The following KDM2B variants were observed in gnomAD, a reference collection of about 807,000 sequenced individuals.
KDM2B encodes the protein lysine-specific demethylase 2B.
A neutral mutation model predicts 150.0 loss-of-function variants in KDM2B; 26 were observed. The ratio of observed to expected loss-of-function variants is 0.17; its 90% CI spans 0.13 to 0.24. The LOEUF is 0.24. Ranked by LOEUF, KDM2B falls within the 10% of genes least tolerant of loss-of-function variation. KDM2B has a pLI of 1.00. For synonymous variants in KDM2B, 734 were observed against 729.5 expected, an observed-to-expected ratio of 1.01 and a Z score of -0.10; for missense variants, 1,265 against 1,816.9, an observed-to-expected ratio of 0.70 and a Z score of 5.52.
intron 6 of KDM2B, among the ~76,000 whole-genome samples, chr12:121,538,880 G>A (rs1201296872): frequency 6.6e-6 from 1 of 152,050 alleles, no homozygotes; most frequent in Non-Finnish European, 1.5e-5. Flanking sequence ...GGAGTCCAGA[G>A]GTTACAGCCA....
At chr12:121,434,090 G>A (rs1166476556) in intron 22 of KDM2B, among the ~76,000 whole-genome samples, 4 of 152,128 alleles carry the variant, frequency 2.6e-5, no homozygotes, top group Non-Finnish European at 5.9e-5. Flanking sequence ...TGAGGTGGGA[G>A]GATCATTTTT....
chr12:121,457,749 C>T (rs1435384295), intron 12 of KDM2B, among the ~76,000 whole-genome samples: 10 of 145,856 alleles, frequency 6.9e-5, no homozygotes, highest in African/African-American at 2.7e-4. Context: ...TACACACACA[C>T]ACACACACAC....
chr12:121,523,334 A>C (rs1453177277), intron 8 of KDM2B, among the ~76,000 whole-genome samples: 1 of 152,228 alleles, frequency 6.6e-6, no homozygotes, highest in Non-Finnish European at 1.5e-5. Flanking sequence ...AGCAACTCAC[A>C]GTGAAGGACA....
intron 8 of KDM2B, among the ~76,000 whole-genome samples, chr12:121,527,457 C>A (rs1489017270): frequency 2.7e-5 from 4 of 148,740 alleles, no homozygotes; most frequent in Admixed American, 2.7e-4. Flanking sequence ...TTGAGACCAT[C>A]CTGGCTAACA....
chr12:121,512,665 T>G (rs1291143609), intron 10 of KDM2B, among the ~76,000 whole-genome samples: 5 of 152,118 alleles, frequency 3.3e-5, no homozygotes, highest in African/African-American at 9.7e-5. Flanking sequence ...CACAGCCAGA[T>G]CCAACTTCAG....
At chr12:121,422,728 C>A in the KDM2B span, among the ~76,000 whole-genome samples, 1 of 152,086 alleles carries the variant, frequency 6.6e-6, no homozygotes, top group Non-Finnish European at 1.5e-5. Context: ...CTGGGGTTAA[C>A]TTTTTTTTAA....
At chr12:121,432,381 A>G (rs1555285784) in intron 22 of KDM2B, among the ~76,000 whole-genome samples, 1 of 152,208 alleles carries the variant, frequency 6.6e-6, no homozygotes, top group African/African-American at 2.4e-5. Context: ...TATAAAGAAT[A>G]GGGATTTTAC....
intron 4 of KDM2B, among the ~76,000 whole-genome samples, chr12:121,552,943 C>T (rs1248928215): frequency 6.6e-6 from 1 of 152,044 alleles, no homozygotes; most frequent in South Asian, 2.1e-4. Context: ...TGTCAGAACC[C>T]CAGTACCAGC....
At chr12:121,415,678 A>G in the KDM2B span, among the ~76,000 whole-genome samples, 1 of 152,096 alleles carries the variant, frequency 6.6e-6, no homozygotes, top group African/African-American at 2.4e-5. Context: ...ATAATAGCTG[A>G]GAAAATCTGC....
At chr12:121,564,228 C>A (rs535654879) in intron 4 of KDM2B, among the ~76,000 whole-genome samples, 1 of 152,040 alleles carries the variant, frequency 6.6e-6, no homozygotes, top group Non-Finnish European at 1.5e-5. Context: ...GAAGCTGAAG[C>A]GGGTGGATCA....
chr12:121,580,479 A>T, intron 1 of KDM2B: 3 of 1,176,980 alleles, frequency 2.5e-6, no homozygotes, highest in Non-Finnish European at 3.2e-6. Flanking sequence ...GCGCCTCTGC[A>T]CGCAGGCGCC....
chr12:121,483,077 C>G (rs11065589), intron 12 of KDM2B, among the ~76,000 whole-genome samples: 1 of 151,600 alleles, frequency 6.6e-6, no homozygotes, highest in Non-Finnish European at 1.5e-5. Context: ...GCAGGAGAAT[C>G]GCTTGAACCC....
intron 2 of KDM2B, among the ~76,000 whole-genome samples, chr12:121,577,916 G>T (rs1891617082): frequency 6.6e-6 from 1 of 152,098 alleles, no homozygotes; most frequent in African/African-American, 2.4e-5. Flanking sequence ...CATCTGGAGG[G>T]TGACCCCCAC....
chr12:121,514,018 C>T (rs1885818761), intron 9 of KDM2B, among the ~76,000 whole-genome samples: 2 of 152,160 alleles, frequency 1.3e-5, no homozygotes, highest in Admixed American at 6.5e-5. Flanking sequence ...ACCCGTCTGG[C>T]ACTGCCCAGC....
intron 9 of KDM2B, among the ~76,000 whole-genome samples, chr12:121,514,638 C>G (rs903681926): frequency 2.7e-4 from 41 of 151,606 alleles, no homozygotes; most frequent in African/African-American, 1.0e-3. Flanking sequence ...CCCTCCTCCC[C>G]TCCCTGATCC....
chr12:121,566,786 ACT>A (rs1287228889), intron 4 of KDM2B, among the ~76,000 whole-genome samples: 5 of 152,068 alleles, frequency 3.3e-5, no homozygotes, highest in African/African-American at 9.7e-5. Flanking sequence ...ACAGAGCAAG[ACT>A]CTGTCCTGAA....
Position 121,429,334 on chromosome 12 carries a change from TC to T in KDM2B, c.*953del, listed in dbSNP as rs1422137398. ...TTACAAACCTAAATGAGAACTCAACTCACACTTCAGAGGAGAGAAGCAAAAG... is the reference window on the plus strand; with the variant it reads ...TTACAAACCTAAATGAGAACTCAACTACACTTCAGAGGAGAGAAGCAAAAG... On this transcript the variant is annotated 3_prime_UTR_variant, in exon 23 of 23. Transcript: ENST00000377071. 6.6e-6 allele frequency: 1 copy of T among 152,632 alleles called. No individual in the cohort carries two copies. The highest frequency in any genetic ancestry group is 2.4e-5 in the African/African-American group (1 of 41,436). 9.5% of individuals were successfully genotyped at this position (152,632 alleles called of 1,614,324 possible). A position where few individuals can be genotyped will look rare whatever the true frequency, so the allele number is the denominator to read the frequency against.
chr12:121,520,921 C>G lies in KDM2B; in HGVS notation c.1047+64G>C, dbSNP rs1594036259. On this transcript the variant is annotated intron_variant, in intron 9 of 22. Transcript: ENST00000377071. This position sits in a 1 kb window ranked among gnomAD's most constrained non-coding sequence, Gnocchi z 4.5. ...GGACTTCAGTATGACCTGTCCCACA[C>G]ACCGAGCACCGGCAGAGCTCAGGGG... is the stretch of plus-strand genomic sequence containing the variant. 4.0e-6 allele frequency: 5 copies of G among 1,256,080 alleles called. No homozygotes were observed. The highest frequency in any genetic ancestry group is 1.2e-5 in the South Asian group (1 of 82,504). The allele number at this position is 1,256,080 out of a possible 1,614,324, so 77.8% of individuals were successfully genotyped here.
chr12:121,505,119 A>C (rs1273830111), intron 11 of KDM2B, among the ~76,000 whole-genome samples: 10 of 148,790 alleles, frequency 6.7e-5, no homozygotes, highest in African/African-American at 2.5e-4. Context: ...TCTGTCTCAA[A>C]AAAAAAAAAA....
Sources: gnomAD v4.1 joint callset for allele counts (sites outside exome capture counted in the v4.1 genomes callset) on GRCh38, gnomAD v4.1.1 for gene constraint, Gnocchi (gnomAD v3.1) non-coding constraint, MANE v1.5 for transcripts, NCBI Gene and HGNC (gene_info 2026-07-23, HGNC 2026-07-21) for gene names.